The following KCTD8 variants were observed in gnomAD, a reference collection of about 807,000 sequenced individuals.
KCTD8 encodes the protein potassium channel tetramerization domain containing 8.
KCTD8 carries 27 observed loss-of-function variants against 31.5 expected under a neutral mutation model. The observed-to-expected ratio is 0.86, with a 90% CI of 0.63 to 1.18. The LOEUF (loss-of-function observed/expected upper bound fraction) is 1.18. Among genes scored for constraint, KCTD8 ranks in the 50% most tolerant of loss-of-function variants. The pLI is 0.00. For synonymous variants in KCTD8, 290 were observed against 280.0 expected (o/e 1.04, Z -0.36); for missense variants, 658 against 647.7 (o/e 1.02, Z -0.17).
intron 1 of KCTD8, among the ~76,000 whole-genome samples, chr4:44,394,469 A>G (rs889339398): frequency 2.0e-5 from 3 of 152,130 alleles, no homozygotes; most frequent in African/African-American, 7.2e-5. Context: ...GCATATTTCA[A>G]AAGAAATTCA....
At chr4:44,196,802 A>G (rs1713955211) in intron 1 of KCTD8, among the ~76,000 whole-genome samples, 1 of 152,174 alleles carries the variant, frequency 6.6e-6, no homozygotes. Context: ...ACTGATATGG[A>G]GAGCCACACA....
intron 1 of KCTD8, among the ~76,000 whole-genome samples, chr4:44,221,330 G>GGT (rs1025611524): frequency 1.4e-4 from 20 of 146,966 alleles, no homozygotes; most frequent in South Asian, 1.1e-3. Context: ...GGGTCCATCA[G>GGT]GTGTGTGTGT....
intron 1 of KCTD8, among the ~76,000 whole-genome samples, chr4:44,204,984 A>C (rs535207768): frequency 6.6e-6 from 1 of 152,236 alleles, no homozygotes; most frequent in East Asian, 1.9e-4. Context: ...TTCAAAGAAA[A>C]GCATAAACCT....
At chr4:44,354,379 C>T (rs1318737294) in intron 1 of KCTD8, among the ~76,000 whole-genome samples, 1 of 152,130 alleles carries the variant, frequency 6.6e-6, no homozygotes, top group African/African-American at 2.4e-5. Flanking sequence ...GATGACTCTT[C>T]CCTAAATATA....
At chr4:44,190,345 A>C (rs910241530) in intron 1 of KCTD8, among the ~76,000 whole-genome samples, 1 of 152,218 alleles carries the variant, frequency 6.6e-6, no homozygotes, top group African/African-American at 2.4e-5. Flanking sequence ...TAAATATCAC[A>C]TGCATTCCTG....
At chr4:44,401,470 G>A (rs570791558) in intron 1 of KCTD8, among the ~76,000 whole-genome samples, 1 of 152,230 alleles carries the variant, frequency 6.6e-6, no homozygotes, top group Admixed American at 6.5e-5. Context: ...GTACAGTTGG[G>A]AGAACATATC....
intron 1 of KCTD8, among the ~76,000 whole-genome samples, chr4:44,176,642 T>C (rs1168209881): frequency 1.3e-5 from 2 of 152,166 alleles, no homozygotes; most frequent in African/African-American, 4.8e-5. Context: ...AAATATCGAA[T>C]TAAAGATTTT....
intron 1 of KCTD8, among the ~76,000 whole-genome samples, chr4:44,203,069 A>G (rs943392162): frequency 1.3e-5 from 2 of 152,208 alleles, no homozygotes; most frequent in African/African-American, 2.4e-5. Flanking sequence ...AATTATGTCA[A>G]TGAAAGACTT....
chr4:44,201,525 C>A (rs1218670030), intron 1 of KCTD8, among the ~76,000 whole-genome samples: 1 of 151,880 alleles, frequency 6.6e-6, no homozygotes, highest in Non-Finnish European at 1.5e-5. Context: ...ATTGATCTTA[C>A]ACAAGGCCCA....
chr4:44,284,817 G>A (rs1371500061), intron 1 of KCTD8, among the ~76,000 whole-genome samples: 1 of 152,192 alleles, frequency 6.6e-6, no homozygotes, highest in African/African-American at 2.4e-5. Flanking sequence ...CAAAGGTTAT[G>A]AACAGACACT....
rs1361957791 is a variant in KCTD8, at chr4:44,438,882, T to C, written c.961+8681A>G. Among the ~76,000 whole-genome samples, 3 of 152,238 alleles carry C rather than the reference T, an allele frequency of 2.0e-5. No homozygotes were observed. The South Asian group carries it at 6.2e-4, about 31-fold the overall frequency. On this transcript the variant is annotated intron_variant, in intron 1 of 1. Coordinates refer to ENST00000360029, the MANE Select transcript of KCTD8 (RefSeq NM_198353.3). ...CATCTGTGCCTGATACCATTCTAAC[T>C]GTGGACTGCTTTATTTGATCCTCAT...
At chr4:44,269,908 T>A (rs994208352) in intron 1 of KCTD8, among the ~76,000 whole-genome samples, 1 of 152,072 alleles carries the variant, frequency 6.6e-6, no homozygotes, top group South Asian at 2.1e-4. Flanking sequence ...CTGGAGAGGA[T>A]GTGGAGAAAT....
intron 1 of KCTD8, among the ~76,000 whole-genome samples, chr4:44,309,194 T>A (rs535741472): frequency 6.6e-6 from 1 of 151,830 alleles, no homozygotes; most frequent in Non-Finnish European, 1.5e-5. Context: ...CACCACTATG[T>A]CTGGCTAATT....
At chr4:44,189,538 C>A (rs572110639) in intron 1 of KCTD8, among the ~76,000 whole-genome samples, 1 of 151,822 alleles carries the variant, frequency 6.6e-6, no homozygotes, top group Non-Finnish European at 1.5e-5. Flanking sequence ...ATTGGAATAA[C>A]GAGGTTAATA....
chr4:44,298,880 C>T (rs951965476), intron 1 of KCTD8, among the ~76,000 whole-genome samples: 6 of 151,904 alleles, frequency 3.9e-5, no homozygotes, highest in Non-Finnish European at 4.4e-5. Flanking sequence ...AATGAACAGA[C>T]CTTTTGAAAA....
chr4:44,182,158 G>T (rs563744297), intron 1 of KCTD8, among the ~76,000 whole-genome samples: 197 of 151,142 alleles, frequency 1.3e-3, no homozygotes, highest in Non-Finnish European at 2.2e-3. Flanking sequence ...CGCCCCGTCC[G>T]AGAGGGAGGT....
intron 1 of KCTD8, among the ~76,000 whole-genome samples, chr4:44,245,473 C>CAA (rs1715632396): frequency 6.6e-6 from 1 of 152,022 alleles, no homozygotes; most frequent in Non-Finnish European, 1.5e-5. Flanking sequence ...CCTGTGTTAA[C>CAA]ATACATGTAG....
intron 1 of KCTD8, among the ~76,000 whole-genome samples, chr4:44,411,992 C>T (rs1439817940): frequency 6.6e-6 from 1 of 152,034 alleles, no homozygotes; most frequent in Non-Finnish European, 1.5e-5. Context: ...TTACAGGAGC[C>T]CTAGGAATCT....
At chr4:44,292,577 A>C (rs1360074295) in intron 1 of KCTD8, among the ~76,000 whole-genome samples, 1 of 152,132 alleles carries the variant, frequency 6.6e-6, no homozygotes, top group Non-Finnish European at 1.5e-5. Context: ...GCATCACACT[A>C]TGTACCCATG....
Sources: allele counts gnomAD v4.1 joint callset (sites outside exome capture counted in the v4.1 genomes callset), GRCh38; gene constraint gnomAD v4.1.1; transcripts MANE v1.5; gene names NCBI Gene and HGNC (gene_info 2026-07-23, HGNC 2026-07-21).